The following SPAG16 variants were observed in gnomAD, a reference collection of about 807,000 sequenced individuals.
SPAG16 encodes sperm-associated antigen 16 protein.
SPAG16 carries 86 observed loss-of-function variants against 80.4 expected under a neutral mutation model. The ratio of observed to expected loss-of-function variants is 1.07; its 90% CI spans 0.90 to 1.28. The LOEUF (loss-of-function observed/expected upper bound fraction) is 1.28, where lower values mean the gene tolerates loss of function less well. Ranked by LOEUF, SPAG16 falls within the 50% of genes most tolerant of loss-of-function variation. SPAG16 has a pLI of 0.00. For missense variants in SPAG16, 870 were observed against 765.3 expected (o/e 1.14, Z -1.61); for synonymous variants, 294 against 265.9 (o/e 1.11, Z -1.03).
chr2:213,324,558 A>T, intron 5 of SPAG16, among the ~76,000 whole-genome samples: 1 of 152,096 alleles, frequency 6.6e-6, no homozygotes, highest in East Asian at 1.9e-4. Context: ...AGTCTGTACA[A>T]TGTATTATTT....
intron 3 of SPAG16, among the ~76,000 whole-genome samples, chr2:213,304,313 C>G (rs998318396): frequency 9.2e-5 from 14 of 152,152 alleles, no homozygotes; most frequent in African/African-American, 3.1e-4. Flanking sequence ...ATATTTTCTC[C>G]CATTCTATGG....
At chr2:213,980,304 TTCTC>T (rs1288545045) in intron 12 of SPAG16, among the ~76,000 whole-genome samples, 2 of 28,052 alleles carry the variant, frequency 7.1e-5, no homozygotes, top group African/African-American at 7.0e-4. Flanking sequence ...TGTATATATA[TTCTC>T]TATATATATA....
intron 1 of SPAG16, among the ~76,000 whole-genome samples, chr2:213,285,609 C>A (rs1385343040): frequency 6.6e-5 from 10 of 152,296 alleles, no homozygotes; most frequent in African/African-American, 2.4e-4. Flanking sequence ...CTTTGACAAG[C>A]CGATTAACCT....
At position 214,410,408 on chromosome 2, in the gene SPAG16, C is replaced by T; in HGVS notation, c.*93C>T. Reference sequence around the variant, plus strand: ...CCAGCAAAGAACTGGTTAAATGTGCCAGCAGGTAACATTTACAGTCTGCTT... The same window carrying T: ...CCAGCAAAGAACTGGTTAAATGTGCTAGCAGGTAACATTTACAGTCTGCTT... On this transcript the variant is annotated 3_prime_UTR_variant, in exon 16 of 16. Transcript: ENST00000331683. 1 of 1,199,892 alleles carries T rather than the reference C, an allele frequency of 8.3e-7. No homozygotes were observed. The highest frequency in any genetic ancestry group is 1.2e-6 in the Non-Finnish European group (1 of 855,956). The allele number at this position is 1,199,892 out of a possible 1,614,324, so 74.3% of individuals were successfully genotyped here.
chr2:214,177,731 A>T (rs1261114805), intron 15 of SPAG16, among the ~76,000 whole-genome samples: 5 of 150,182 alleles, frequency 3.3e-5, no homozygotes, highest in African/African-American at 1.2e-4. Flanking sequence ...TAGTTTGCTG[A>T]GTATTTATAG....
intron 14 of SPAG16, among the ~76,000 whole-genome samples, chr2:214,115,087 A>C (rs1420258166): frequency 6.6e-6 from 1 of 152,196 alleles, no homozygotes; most frequent in Non-Finnish European, 1.5e-5. Context: ...TTAACTACTA[A>C]TATTTTTAAA....
At chr2:213,338,565 A>G (rs1256151622) in intron 5 of SPAG16, among the ~76,000 whole-genome samples, 1 of 152,224 alleles carries the variant, frequency 6.6e-6, no homozygotes, top group Non-Finnish European at 1.5e-5. Context: ...ATGCATGTGT[A>G]TGTTCATTGC....
At chr2:214,013,894 C>T (rs199665505) in intron 12 of SPAG16, 57 bp from the exon 13 acceptor site, 979 of 1,510,240 alleles carry the variant, frequency 6.5e-4, no homozygotes, top group Non-Finnish European at 8.2e-4. Flanking sequence ...TTTTTATTAG[C>T]ATTGTATAGA....
At chr2:214,322,064 A>G (rs2125995334) in intron 15 of SPAG16, among the ~76,000 whole-genome samples, 1 of 152,328 alleles carries the variant, frequency 6.6e-6, no homozygotes, top group South Asian at 2.1e-4. Context: ...GAAAAGAGAT[A>G]ATTTTGTGGA....
intron 12 of SPAG16, among the ~76,000 whole-genome samples, chr2:213,932,193 TA>T (rs2078789911): frequency 5.3e-5 from 7 of 131,864 alleles, no homozygotes; most frequent in African/African-American, 2.2e-4. Flanking sequence ...TATATATATA[TA>T]TATATTTGTT....
intron 10 of SPAG16, among the ~76,000 whole-genome samples, chr2:213,599,276 G>T (rs1203667345): frequency 1.3e-5 from 2 of 152,170 alleles, no homozygotes; most frequent in African/African-American, 4.8e-5. Context: ...TTGCTTTCTT[G>T]ATACGAACTA....
chr2:213,618,755 A>G (rs1461169920), intron 10 of SPAG16, among the ~76,000 whole-genome samples: 1 of 152,090 alleles, frequency 6.6e-6, no homozygotes, highest in Non-Finnish European at 1.5e-5. Context: ...AAATTTAAAA[A>G]AAGGAAAAGT....
intron 12 of SPAG16, among the ~76,000 whole-genome samples, chr2:213,937,977 T>C (rs1488906114): frequency 6.6e-6 from 1 of 152,028 alleles, no homozygotes; most frequent in Admixed American, 6.5e-5. Flanking sequence ...CAATGAATTG[T>C]ATAATTTGGA....
At chr2:214,015,561 G>T (rs1378983017) in intron 13 of SPAG16, among the ~76,000 whole-genome samples, 1 of 150,154 alleles carries the variant, frequency 6.7e-6, no homozygotes, top group Non-Finnish European at 1.5e-5. Context: ...TCATGCCATT[G>T]CACTCTAGCC....
chr2:213,351,119 C>T (rs2065305586), intron 7 of SPAG16, among the ~76,000 whole-genome samples: 1 of 152,052 alleles, frequency 6.6e-6, no homozygotes, highest in African/African-American at 2.4e-5. Context: ...GCACTCTAGC[C>T]TAGGCAACAG....
chr2:213,708,136 C>T (rs1337318727), intron 10 of SPAG16, among the ~76,000 whole-genome samples: 1 of 151,994 alleles, frequency 6.6e-6, no homozygotes. Context: ...TATTATTTTC[C>T]ATAGACCAGT....
intron 15 of SPAG16, among the ~76,000 whole-genome samples, chr2:214,310,413 T>A (rs1270899197): frequency 6.6e-6 from 1 of 152,208 alleles, no homozygotes; most frequent in East Asian, 1.9e-4. Flanking sequence ...AGGCCAGGAA[T>A]ACAGGGATCT....
chr2:214,381,948 G>A (rs939321445), intron 15 of SPAG16, among the ~76,000 whole-genome samples: 2 of 152,166 alleles, frequency 1.3e-5, no homozygotes, highest in African/African-American at 4.8e-5. Flanking sequence ...CATCCTCAGT[G>A]CAATATTAAT....
intron 12 of SPAG16, among the ~76,000 whole-genome samples, chr2:213,936,069 A>G (rs867098991): frequency 1.3e-5 from 2 of 152,302 alleles, no homozygotes; most frequent in Non-Finnish European, 1.5e-5. Context: ...GAAGGTCGAG[A>G]AAATTCTTGT....
Sources: gnomAD v4.1 joint callset for allele counts (sites outside exome capture counted in the v4.1 genomes callset) on GRCh38, gnomAD v4.1.1 for gene constraint, MANE v1.5 for transcripts, NCBI Gene and HGNC (gene_info 2026-07-23, HGNC 2026-07-21) for gene names.